Variants in AQP7 observed in about 807,000 individuals in gnomAD.
AQP7 encodes the protein aquaporin 7, also known as aquaporin-7.
A neutral mutation model predicts 26.1 loss-of-function variants in AQP7; 22 were observed. The ratio of observed to expected loss-of-function variants is 0.84; its 90% CI spans 0.60 to 1.20. The LOEUF (loss-of-function observed/expected upper bound fraction) is 1.20. Ranked by LOEUF, AQP7 falls within the 50% of genes most tolerant of loss-of-function variation. The pLI, the probability that AQP7 is intolerant of heterozygous loss-of-function variation, is 0.00. For synonymous variants in AQP7, 167 were observed against 181.7 expected (o/e 0.92, Z 0.65); for missense variants, 412 against 457.5 (o/e 0.90, Z 0.91).
intron 5 of AQP7, 79 bp downstream of exon 5, chr9:33,386,325 A>G (rs1824782763): frequency 3.8e-6 from 6 of 1,596,872 alleles, no homozygotes; most frequent in African/African-American, 1.3e-5. Flanking sequence ...TTTACAAATC[A>G]GGACACTGAG....
chr9:33,384,691 T>C lies in AQP7; in HGVS notation c.*314A>G. The C allele has an allele frequency of 3.8e-6, 1 of 263,090 alleles. No homozygotes were observed. Among genetic ancestry groups the C allele is most frequent in the Non-Finnish European group, 7.2e-6 (1 of 139,316 alleles). The allele number at this position is 263,090 out of a possible 1,614,324, so 16.3% of individuals were successfully genotyped here. A position where few individuals can be genotyped will look rare whatever the true frequency, so the allele number is the denominator to read the frequency against. ...CCGGCCCCCAACCAGTCAGCTACGG[T>C]CTGTTCCCCAAAACCACCCTTCCTT... On this transcript the variant is annotated 3_prime_UTR_variant, in exon 8 of 8. Coordinates refer to ENST00000297988, the MANE Select transcript of AQP7 (RefSeq NM_001170.3).
intron 2 of AQP7, among the ~76,000 whole-genome samples, chr9:33,396,229 G>A (rs1396248390): frequency 1.3e-5 from 2 of 152,056 alleles, no homozygotes; most frequent in Non-Finnish European, 2.9e-5. Context: ...CCTGAGGTCG[G>A]GAGTTCGAGA....
chr9:33,396,328 C>T (rs1414306053), intron 2 of AQP7, among the ~76,000 whole-genome samples: 2 of 149,360 alleles, frequency 1.3e-5, no homozygotes. Flanking sequence ...ATCCCAGCTA[C>T]TTTGGAGGCT....
At chr9:33,395,000 C>A in intron 3 of AQP7, 78 bp downstream of exon 3, 1 of 1,260,028 alleles carries the variant, frequency 7.9e-7, no homozygotes, top group East Asian at 2.3e-5. Context: ...ACAATGTGAC[C>A]CATGGGGTCA....
chr9:33,400,958 G>C (rs1217751425), intron 2 of AQP7: 1 of 518,746 alleles, frequency 1.9e-6, no homozygotes, highest in Middle Eastern at 5.2e-4. Flanking sequence ...GCCTGAGAGG[G>C]TGAGAGGTGC....
chr9:33,386,152 A>T lies in AQP7; in HGVS notation c.450T>A (p.Gly150=), dbSNP rs1344561016. The T allele has an allele frequency of 6.2e-7, 1 of 1,613,962 alleles. No individual in the cohort carries two copies. The highest frequency in any genetic ancestry group is 8.5e-7 in the Non-Finnish European group (1 of 1,179,860). ...CAAAAATGCCAGCTGTAGCGACGGG[A>T]CCGGTCACCATCAGCTGTCCACCCG... ...HFSGGQLMVT[G]PVATAGIFAT... is the part of the protein sequence containing the mutation. Residue 150 remains glycine, a synonymous_variant, in exon 6 of 8, where the codon GGT becomes GGA. Coordinates refer to ENST00000297988, the MANE Select transcript of AQP7 (RefSeq NM_001170.3).
chr9:33,385,578 A>C (rs756942412), intron 7 of AQP7, 71 bp downstream of exon 7: 1 of 1,558,354 alleles, frequency 6.4e-7, no homozygotes, highest in African/African-American at 1.4e-5. Flanking sequence ...CCCTCACATC[A>C]CCCCCCACCC....
chr9:33,388,113 T>C (rs1034255119), intron 3 of AQP7, among the ~76,000 whole-genome samples: 4 of 152,306 alleles, frequency 2.6e-5, no homozygotes, highest in South Asian at 2.1e-4. Flanking sequence ...GTCTCAGCTA[T>C]GCCTGATGCG....
At chr9:33,392,070 T>C (rs1024857087) in intron 3 of AQP7, among the ~76,000 whole-genome samples, 1 of 152,116 alleles carries the variant, frequency 6.6e-6, no homozygotes, top group African/African-American at 2.4e-5. Flanking sequence ...TCCCAGCACT[T>C]TGGGAGGCCG....
intron 3 of AQP7, among the ~76,000 whole-genome samples, chr9:33,391,770 A>C (rs1825433068): frequency 6.6e-6 from 1 of 152,166 alleles, no homozygotes; most frequent in Non-Finnish European, 1.5e-5. Context: ...ACAACAACAC[A>C]ATGTCCGATA....
chr9:33,393,705 T>C (rs73487359), intron 3 of AQP7: 1 of 152,288 alleles, frequency 6.6e-6, no homozygotes, highest in African/African-American at 2.4e-5. Context: ...CAGTCTGGAT[T>C]CTGTCCCAAT....
intron 2 of AQP7, among the ~76,000 whole-genome samples, chr9:33,397,754 C>T (rs967391931): frequency 6.6e-6 from 1 of 152,076 alleles, no homozygotes; most frequent in Non-Finnish European, 1.5e-5. Context: ...CCAACCCCAG[C>T]TCCCATGCTG....
At chr9:33,392,238 C>T (rs1417127857) in intron 3 of AQP7, among the ~76,000 whole-genome samples, 1 of 150,090 alleles carries the variant, frequency 6.7e-6, no homozygotes, top group Non-Finnish European at 1.5e-5. Context: ...CGCTTGAACC[C>T]GGGAGATGGA....
At position 33,385,117 on chromosome 9, in the gene AQP7, G is replaced by C. The variant is rs1249475411; in HGVS notation, c.917C>G (p.Ser306Cys). 6.2e-7 allele frequency: 1 copy of C among 1,611,968 alleles called. No individual in the cohort carries two copies. Among genetic ancestry groups the C allele is most frequent in the East Asian group, 2.2e-5 (1 of 44,874 alleles). The change falls in exon 8 of 8, where the codon TCT (serine) becomes TGT (cysteine). Residue 306 changes from serine (S) to cysteine (C), a missense_variant. Coordinates refer to ENST00000297988, the MANE Select transcript of AQP7 (RefSeq NM_001170.3). The part of the protein sequence containing the change: ...HGITVLPKMG[S>C]HEPTISPLTP... ...GAGGGGAGAGATCGTGGGTTCATGA[G>C]ATCCCATCTTGGGCAATACGGTTAT...
At chr9:33,386,292 A>G in intron 5 of AQP7, 97 bp from the exon 6 acceptor site, 2 of 1,598,040 alleles carry the variant, frequency 1.3e-6, no homozygotes, top group Non-Finnish European at 8.6e-7. Context: ...GGGATCTCCA[A>G]GGCTTTTTTC....
At chr9:33,390,754 G>T (rs1213972585) in intron 3 of AQP7, among the ~76,000 whole-genome samples, 1 of 152,214 alleles carries the variant, frequency 6.6e-6, no homozygotes, top group Non-Finnish European at 1.5e-5. Context: ...CAGGCATGGA[G>T]GGTCTGAAAA....
At chr9:33,390,458 G>A (rs1825284548) in intron 3 of AQP7, among the ~76,000 whole-genome samples, 1 of 150,548 alleles carries the variant, frequency 6.6e-6, no homozygotes, top group Admixed American at 6.6e-5. Context: ...AGCAGATCAA[G>A]CCATTTGCTG....
At position 33,387,040 on chromosome 9, in the gene AQP7, C is replaced by G; in HGVS notation, c.197G>C (p.Ser66Thr). ...AHMVLNKKYG[S>T]YLGVNLGFGF... is the part of the protein sequence containing the mutation. ...AAAACCCAAGTTGACACCAAGGTAG[C>G]TCCCATATTTTTTATTTAGAACCAT... Residue 66 changes from serine to threonine, a missense_variant, in exon 4 of 8, where the codon AGC (serine) becomes ACC (threonine). Transcript: ENST00000297988. 6.2e-7 allele frequency: 1 copy of G among 1,612,000 alleles called. No homozygotes were observed. The highest frequency in any genetic ancestry group is 8.5e-7 in the Non-Finnish European group (1 of 1,179,832).
Position 33,384,481 on chromosome 9 carries a change from TTAAG to T in AQP7, c.*520_*523del. On this transcript the variant is annotated 3_prime_UTR_variant, in exon 8 of 8. Transcript: ENST00000297988. Reference sequence around the variant, plus strand: ...TCTGTGGTATTAAAATTTCATGTGATTAAGAAAAAAAAAATCTAGAAGAATACTA... The same window carrying T: ...TCTGTGGTATTAAAATTTCATGTGATAAAAAAAAAATCTAGAAGAATACTA... The T allele has an allele frequency of 6.6e-6, 1 of 150,744 alleles. No homozygotes were observed. Among genetic ancestry groups the T allele is most frequent in the Non-Finnish European group, 1.5e-5 (1 of 67,730 alleles). The allele number at this position is 150,744 out of a possible 1,614,324, so 9.3% of individuals were successfully genotyped here.
Sources: allele counts gnomAD v4.1 joint callset (sites outside exome capture counted in the v4.1 genomes callset), GRCh38; gene constraint gnomAD v4.1.1; transcripts MANE v1.5; gene names NCBI Gene and HGNC (gene_info 2026-07-23, HGNC 2026-07-21).